Variants in DCST1 observed in about 807,000 individuals in gnomAD.
The protein encoded by DCST1 is E3 ubiquitin-protein ligase DCST1.
In DCST1, 78 loss-of-function variants were observed where a neutral mutation model predicts 89.1. That is an observed-to-expected ratio of 0.88 (90% CI 0.73 to 1.06). The LOEUF (loss-of-function observed/expected upper bound fraction) is 1.06. Among genes scored for constraint, DCST1 ranks in the 50% least tolerant of loss-of-function variants. DCST1 has a pLI of 0.00. For missense variants in DCST1, 900 were observed against 928.6 expected, an observed-to-expected ratio of 0.97 and a Z score of 0.40; for synonymous variants, 364 against 371.9, an observed-to-expected ratio of 0.98 and a Z score of 0.24.
chr1:155,034,310 C>T (rs978977210), intron 2 of DCST1, 125 bp from the exon 3 acceptor site: 36 of 1,601,996 alleles, frequency 2.2e-5, no homozygotes, highest in Middle Eastern at 1.7e-4. Flanking sequence ...TCCAGGGTCC[C>T]CTAAGTTCCT....
chr1:155,047,874 T>TA lies in DCST1; in HGVS notation c.1701dup (p.Gln568ThrfsTer30). 6.2e-7 allele frequency: 1 copy of TA among 1,614,186 alleles called. No individual in the cohort carries two copies. Among genetic ancestry groups the TA allele is most frequent in the Non-Finnish European group, 8.5e-7 (1 of 1,180,042 alleles). ...GGCCTGTTAGTGTGTCTCTGCCTGT[T>TA]ACAGGCTTTTGGCTACCGACTCCGG... On this transcript the variant is annotated frameshift_variant, in exon 15 of 17. Transcript: ENST00000295542. LOFTEE classifies it high-confidence loss of function.
rs1323193449 is a variant in DCST1, at chr1:155,050,660, T to C, written c.1913T>C (p.Leu638Pro). 2 of 1,600,034 alleles carry C rather than the reference T, an allele frequency of 1.2e-6. No individual in the cohort carries two copies. Among genetic ancestry groups the C allele is most frequent in the Non-Finnish European group, 1.7e-6 (2 of 1,176,082 alleles). Residue 638 changes from leucine (L) to proline (P), a missense_variant, in exon 17 of 17, where the codon CTG becomes CCG. Transcript: ENST00000295542. Reference sequence around the variant, plus strand: ...ATCCTGCACCGCGGCTGCCCGCTCCTGCGCCGCTGGCTGTGCCGGCGCTGC... The same window carrying C: ...ATCCTGCACCGCGGCTGCCCGCTCCCGCGCCGCTGGCTGTGCCGGCGCTGC... ...ADILHRGCPLLRRWLCRRCVV... is the reference protein window; with the variant it reads ...ADILHRGCPLPRRWLCRRCVV...
At chr1:155,043,276 C>A (rs1382383030) in intron 9 of DCST1, 76 bp from the exon 10 acceptor site, 3 of 1,605,712 alleles carry the variant, frequency 1.9e-6, no homozygotes, top group East Asian at 4.5e-5. Flanking sequence ...TACTGGGGAA[C>A]AGATGTCATG....
intron 13 of DCST1, 112 bp downstream of exon 13, chr1:155,046,598 C>CTATT: frequency 4.3e-5 from 18 of 415,732 alleles, no homozygotes; most frequent in Non-Finnish European, 6.1e-5. Flanking sequence ...GTCCTTCTGC[C>CTATT]TCTTTTTTTT....
intron 2 of DCST1, 91 bp downstream of exon 2, chr1:155,034,188 G>A (rs1439421424): frequency 3.5e-5 from 55 of 1,564,200 alleles, no homozygotes; most frequent in East Asian, 9.0e-5. Flanking sequence ...CCCCCAACTC[G>A]GTGTCCGCGC....
At chr1:155,041,668 T>C in intron 7 of DCST1, 46 bp from the exon 8 acceptor site, 1 of 1,614,002 alleles carries the variant, frequency 6.2e-7, no homozygotes. Context: ...GCCAGCATTG[T>C]GGATCAAGAT....
In DCST1 at chr1:155,050,660, T is replaced by G; in HGVS notation, c.1913T>G (p.Leu638Arg). Residue 638 changes from leucine (L) to arginine (R), a missense_variant, in exon 17 of 17, where the codon CTG (leucine) becomes CGG (arginine). Leu to Arg is a moderately radical substitution (Grantham distance 102, BLOSUM62 -2). Coordinates refer to ENST00000295542, the MANE Select transcript of DCST1 (RefSeq NM_152494.4). ...ATCCTGCACCGCGGCTGCCCGCTCC[T>G]GCGCCGCTGGCTGTGCCGGCGCTGC... Reference protein sequence around the residue: ...ADILHRGCPLLRRWLCRRCVV... With the variant: ...ADILHRGCPLRRRWLCRRCVV... 1 of 1,600,152 alleles carries G rather than the reference T, an allele frequency of 6.2e-7. No homozygotes were observed. Among genetic ancestry groups the G allele is most frequent in the South Asian group, 1.1e-5 (1 of 90,008 alleles).
At position 155,042,050 on chromosome 1, in the gene DCST1, G is replaced by C. The variant is rs1253631040; in HGVS notation, c.892+193G>C. ...AGTTACAGCAAAGCTCTGAGCTGTGGCTTTTCATCTGAAAGATGCGCATGG... is the reference window on the plus strand; with the variant it reads ...AGTTACAGCAAAGCTCTGAGCTGTGCCTTTTCATCTGAAAGATGCGCATGG... On this transcript the variant is annotated intron_variant, in intron 8 of 16. Coordinates refer to ENST00000295542, the MANE Select transcript of DCST1 (RefSeq NM_152494.4). 2.0e-5 allele frequency among the ~76,000 whole-genome samples: 3 copies of C among 152,204 alleles called. No homozygotes were observed. In the East Asian group the frequency reaches 5.8e-4, roughly 29 times the overall value.
rs773865881 is a variant in DCST1 at position 155,041,858 on chromosome 1, G to T, written c.892+1G>T. On this transcript the variant is annotated splice_donor_variant, in intron 8 of 16. Transcript: ENST00000295542. LOFTEE classifies it high-confidence loss of function. ...AAGTTCTTCTGTGGCATTGCCAAGGGTCTGCACAGTTGCAAAGGGGTGGGG... is the reference window on the plus strand; with the variant it reads ...AAGTTCTTCTGTGGCATTGCCAAGGTTCTGCACAGTTGCAAAGGGGTGGGG... 8.1e-6 allele frequency: 13 copies of T among 1,614,212 alleles called. No homozygotes were observed. Among genetic ancestry groups the T allele is most frequent in the South Asian group, 1.1e-5 (1 of 91,084 alleles).
chr1:155,036,504 C>T (rs1008605734), intron 4 of DCST1, among the ~76,000 whole-genome samples: 1 of 152,260 alleles, frequency 6.6e-6, no homozygotes, highest in Non-Finnish European at 1.5e-5. Context: ...CCCTTGCGCC[C>T]CCAGCTCAGG....
In DCST1 at chr1:155,046,216, A is replaced by C; in HGVS notation, c.1364A>C (p.Asn455Thr). Residue 455 changes from asparagine (N) to threonine (T), a missense_variant, in exon 12 of 17, where the codon AAT (asparagine) becomes ACT (threonine). Physicochemically the swap from Asn to Thr is moderately conservative, Grantham distance 65. Coordinates refer to ENST00000295542, the MANE Select transcript of DCST1 (RefSeq NM_152494.4). ...ACCATCCAGGCCTCAGAAATGAGCA[A>C]TGTGGTGAGGACAGCATGGGGAGCG... Reference protein sequence around the residue: ...KPTIQASEMSNVVRELLETLP... With the variant: ...KPTIQASEMSTVVRELLETLP... The C allele has an allele frequency of 6.2e-7, 1 of 1,614,212 alleles. No individual in the cohort carries two copies. The highest frequency in any genetic ancestry group is 1.1e-5 in the South Asian group (1 of 91,088).
chr1:155,046,066 A>G, intron 11 of DCST1, 59 bp from the exon 12 acceptor site: 1 of 1,613,806 alleles, frequency 6.2e-7, no homozygotes, highest in South Asian at 1.1e-5. Flanking sequence ...CCAGGAAGGC[A>G]GAGAGGAAAG....
intron 4 of DCST1, among the ~76,000 whole-genome samples, chr1:155,037,062 CA>C (rs1660299760): frequency 2.0e-5 from 3 of 152,186 alleles, no homozygotes; most frequent in Admixed American, 6.5e-5. Flanking sequence ...AACGCCCCAT[CA>C]AAAGCAGAGC....
chr1:155,037,136 C>A (rs1660302034), intron 4 of DCST1, among the ~76,000 whole-genome samples: 1 of 152,186 alleles, frequency 6.6e-6, no homozygotes, highest in Non-Finnish European at 1.5e-5. Flanking sequence ...TGCTTGTGTG[C>A]CAACATCGTC....
At chr1:155,039,273 T>C (rs1660356298) in intron 4 of DCST1, 130 bp from the exon 5 acceptor site, 11 of 1,159,218 alleles carry the variant, frequency 9.5e-6, no homozygotes, top group Non-Finnish European at 1.0e-5. Flanking sequence ...TCAGAGTCAG[T>C]GTAAATGGGG....
At chr1:155,047,352 C>A in intron 14 of DCST1, 40 bp downstream of exon 14, 2 of 1,562,982 alleles carry the variant, frequency 1.3e-6, no homozygotes, top group South Asian at 1.1e-5. Context: ...GAATCGAGGG[C>A]GGTGGGGCAA....
rs375311605 is a variant in DCST1 at position 155,047,786 on chromosome 1, G to A, written c.1613-1G>A. 4.3e-6 allele frequency: 7 copies of A among 1,613,318 alleles called. No individual in the cohort carries two copies. Among genetic ancestry groups the A allele is most frequent in the Non-Finnish European group, 5.9e-6 (7 of 1,179,960 alleles). On this transcript the variant is annotated splice_acceptor_variant, in intron 14 of 16. Coordinates refer to ENST00000295542, the MANE Select transcript of DCST1 (RefSeq NM_152494.4). LOFTEE classifies it high-confidence loss of function. ...AGACCCCTGGCCTGCCCCTCCCCTA[G>A]CCTGCCTGCCCCAGCCTGTGGGCCT...
intron 14 of DCST1, 65 bp from the exon 15 acceptor site, chr1:155,047,722 C>G (rs997055020): frequency 1.3e-6 from 2 of 1,514,846 alleles, no homozygotes; most frequent in African/African-American, 2.7e-5. Context: ...GATGGGAAGT[C>G]CAACCCAGGG....
intron 5 of DCST1, 108 bp from the exon 6 acceptor site, chr1:155,040,377 C>T: frequency 8.1e-7 from 1 of 1,239,572 alleles, no homozygotes; most frequent in Admixed American, 3.1e-5. Flanking sequence ...CTCGGCCCCA[C>T]CACTGTATAG....
Sources: gnomAD v4.1 joint callset for allele counts (sites outside exome capture counted in the v4.1 genomes callset) on GRCh38, gnomAD v4.1.1 for gene constraint, MANE v1.5 for transcripts, NCBI Gene and HGNC (gene_info 2026-07-23, HGNC 2026-07-21) for gene names.